The following WDR75 variants were observed in gnomAD, a reference collection of about 807,000 sequenced individuals.
WDR75 encodes the protein WD repeat-containing protein 75.
In WDR75, 52 loss-of-function variants were observed where a neutral mutation model predicts 106.1. That is an observed-to-expected ratio of 0.49 (90% CI 0.39 to 0.62). WDR75 has a LOEUF of 0.62. Ranked by LOEUF, WDR75 falls within the 20% of genes least tolerant of loss-of-function variation. WDR75 has a pLI of 0.00. For synonymous variants in WDR75, 333 were observed against 335.5 expected (o/e 0.99, Z 0.08); for missense variants, 905 against 970.3 (o/e 0.93, Z 0.89).
At position 189,441,561 on chromosome 2, in the gene WDR75, G is replaced by A; in HGVS notation, c.69G>A (p.Val23=). Residue 23 remains valine (V), a synonymous_variant, in exon 1 of 21, where the codon GTG becomes GTA. Coordinates refer to ENST00000314761, the MANE Select transcript of WDR75 (RefSeq NM_032168.3). ...GCGAGTTGAACTTTAGGAGAGCTGT[G>A]TTCTCTGCAGATTCTAAGTATGAGG... is the stretch of plus-strand genomic sequence containing the variant. ...GGSELNFRRA[V]FSADSKYIFC... is the part of the protein sequence containing the mutation. 1.3e-6 allele frequency: 2 copies of A among 1,560,160 alleles called. No individual in the cohort carries two copies. The highest frequency in any genetic ancestry group is 1.4e-5 in the African/African-American group (1 of 73,750).
chr2:189,448,476 G>A lies in WDR75; in HGVS notation c.184G>A (p.Gly62Arg), dbSNP rs768485214. ...GCATGGACACAGAAATCTGGTGACT[G>A]GAATCCAGCTTAACCCCAACAACCA... is the stretch of plus-strand genomic sequence containing the variant. ...ILHGHRNLVT[G>R]IQLNPNNHLQ... The change falls in exon 2 of 21, where the codon GGA becomes AGA. Residue 62 changes from glycine to arginine, a missense_variant. Coordinates refer to ENST00000314761, the MANE Select transcript of WDR75 (RefSeq NM_032168.3). 1 of 1,613,836 alleles carries A rather than the reference G, an allele frequency of 6.2e-7. No homozygotes were observed. The highest frequency in any genetic ancestry group is 1.3e-5 in the African/African-American group (1 of 74,900).
At chr2:189,462,239 G>C (rs767261039) in intron 8 of WDR75, among the ~76,000 whole-genome samples, 1 of 151,900 alleles carries the variant, frequency 6.6e-6, no homozygotes, top group Non-Finnish European at 1.5e-5. Context: ...TGTTTGTCCA[G>C]CTTTTCTAGT....
intron 4 of WDR75, among the ~76,000 whole-genome samples, chr2:189,454,248 G>A (rs543296306): frequency 1.3e-5 from 2 of 152,242 alleles, no homozygotes; most frequent in East Asian, 3.9e-4. Flanking sequence ...GTAGGCTATT[G>A]GAAGGACTTT....
chr2:189,469,956 T>A (rs1687084119), intron 16 of WDR75, 120 bp from the exon 17 acceptor site: 2 of 862,250 alleles, frequency 2.3e-6, no homozygotes, highest in African/African-American at 3.4e-5. Flanking sequence ...CCTAAAACAG[T>A]CATGACTTGG....
intron 1 of WDR75, among the ~76,000 whole-genome samples, chr2:189,446,495 T>TA (rs1686502875): frequency 6.6e-6 from 1 of 152,204 alleles, no homozygotes; most frequent in Non-Finnish European, 1.5e-5. Flanking sequence ...TACCATTTCA[T>TA]ACAACCATGC....
chr2:189,454,436 A>G (rs923359934), intron 4 of WDR75, among the ~76,000 whole-genome samples: 17 of 152,142 alleles, frequency 1.1e-4, no homozygotes, highest in African/African-American at 3.1e-4. Flanking sequence ...CAGCTGACCA[A>G]CATTCATATT....
intron 12 of WDR75, 93 bp from the exon 13 acceptor site, chr2:189,466,332 G>C: frequency 7.3e-7 from 1 of 1,376,656 alleles, no homozygotes; most frequent in Non-Finnish European, 1.0e-6. Context: ...TGTTGTTCAA[G>C]ATGCTATTGT....
intron 17 of WDR75, among the ~76,000 whole-genome samples, 192 bp from the exon 18 acceptor site, chr2:189,470,627 A>C (rs546844688): frequency 1.3e-5 from 2 of 151,572 alleles, no homozygotes; most frequent in African/African-American, 4.9e-5. Flanking sequence ...TTTCTTAAGT[A>C]TCTCTCAGAC....
chr2:189,451,017 T>C (rs1312476292), intron 3 of WDR75, 49 bp downstream of exon 3: 3 of 1,573,258 alleles, frequency 1.9e-6, no homozygotes, highest in African/African-American at 2.8e-5. Context: ...AAAAAGGCAA[T>C]GTAATTTAAT....
chr2:189,470,708 T>C, intron 17 of WDR75, 111 bp from the exon 18 acceptor site: 1 of 602,704 alleles, frequency 1.7e-6, no homozygotes, highest in Non-Finnish European at 2.7e-6. Flanking sequence ...TTGTCAAATA[T>C]ATATATCAAA....
chr2:189,457,605 A>AC (rs11392456), intron 6 of WDR75, among the ~76,000 whole-genome samples: 9,848 of 152,118 alleles, frequency 0.065, 493 homozygotes, highest in African/African-American at 0.14. Flanking sequence ...AGCCCTATAC[A>AC]CTGAATTCTA....
chr2:189,442,005 A>T (rs1464446508), intron 1 of WDR75, among the ~76,000 whole-genome samples: 1 of 152,216 alleles, frequency 6.6e-6, no homozygotes, highest in Non-Finnish European at 1.5e-5. Context: ...CATGAAGCAT[A>T]GTGCAGTCTT....
chr2:189,467,569 T>C lies in WDR75; in HGVS notation c.1549T>C (p.Phe517Leu). 6.2e-7 allele frequency: 1 copy of C among 1,611,716 alleles called. No homozygotes were observed. Among genetic ancestry groups the C allele is most frequent in the Non-Finnish European group, 8.5e-7 (1 of 1,178,726 alleles). The change falls in exon 14 of 21, where the codon TTT (phenylalanine) becomes CTT (leucine). Residue 517 changes from phenylalanine (F) to leucine (L), a missense_variant. Coordinates refer to ENST00000314761, the MANE Select transcript of WDR75 (RefSeq NM_032168.3). The stretch of plus-strand genomic sequence containing the variant: ...AGATGGTTCTTTACTAGCAGTTAGT[T>C]TTGAGGAAATAGTCACAATATGGGA... ...SEDGSLLAVS[F>L]EEIVTIWDSV...
intron 12 of WDR75, 73 bp downstream of exon 12, chr2:189,465,327 T>A: frequency 1.4e-6 from 2 of 1,429,146 alleles, no homozygotes; most frequent in Non-Finnish European, 1.9e-6. Context: ...GTTTCAATTG[T>A]CTTTAAGATG....
chr2:189,466,003 A>G (rs1686991217), intron 12 of WDR75, among the ~76,000 whole-genome samples: 1 of 152,174 alleles, frequency 6.6e-6, no homozygotes, highest in African/African-American at 2.4e-5. Flanking sequence ...CAGTTTGACT[A>G]AGTAGTTTCC....
At chr2:189,465,362 T>C (rs1423480169) in intron 12 of WDR75, 108 bp downstream of exon 12, 1 of 1,211,272 alleles carries the variant, frequency 8.3e-7, no homozygotes, top group African/African-American at 1.5e-5. Flanking sequence ...GGTTTAGATT[T>C]AGAGATATGG....
chr2:189,458,705 A>G, intron 6 of WDR75, 48 bp from the exon 7 acceptor site: 1 of 1,466,976 alleles, frequency 6.8e-7, no homozygotes, highest in Non-Finnish European at 9.1e-7. Flanking sequence ...ATCACCACTT[A>G]TCAAGAGACT....
intron 1 of WDR75, among the ~76,000 whole-genome samples, chr2:189,445,883 CA>C (rs1431113890): frequency 2.0e-5 from 3 of 152,114 alleles, no homozygotes; most frequent in Non-Finnish European, 2.9e-5. Flanking sequence ...GCAGAGAGTG[CA>C]AAACCATGGA....
intron 12 of WDR75, among the ~76,000 whole-genome samples, chr2:189,465,614 A>G (rs1268096234): frequency 6.6e-6 from 1 of 151,966 alleles, no homozygotes; most frequent in East Asian, 1.9e-4. Context: ...GCATAGTATA[A>G]TGTAGCATGG....
Sources: gnomAD v4.1 joint callset for allele counts (sites outside exome capture counted in the v4.1 genomes callset) on GRCh38, gnomAD v4.1.1 for gene constraint, MANE v1.5 for transcripts, NCBI Gene and HGNC (gene_info 2026-07-23, HGNC 2026-07-21) for gene names.